GSPT1: variants seen among roughly 807,000 people sequenced by gnomAD.
The protein encoded by GSPT1 is G1 to S phase transition 1.
A neutral mutation model predicts 72.5 loss-of-function variants in GSPT1; 20 were observed. The observed-to-expected ratio is 0.28, with a 90% CI of 0.19 to 0.40. The LOEUF (loss-of-function observed/expected upper bound fraction) is 0.40, where lower values mean the gene tolerates loss of function less well. Among genes scored for constraint, GSPT1 ranks in the 10% least tolerant of loss-of-function variants. The probability of loss-of-function intolerance (pLI) is 1.00; values close to 1 mark genes in which losing one functional copy is unlikely to be tolerated. For synonymous variants in GSPT1, 334 were observed against 293.5 expected, an observed-to-expected ratio of 1.14 and a Z score of -1.41; for missense variants, 580 against 811.9, an observed-to-expected ratio of 0.71 and a Z score of 3.47.
intron 6 of GSPT1, 117 bp downstream of exon 6, chr16:11,890,945 C>G (rs2054250934): frequency 6.6e-6 from 4 of 603,352 alleles, no homozygotes; most frequent in Non-Finnish European, 1.2e-5. Context: ...GGGAAATTTC[C>G]TTTGTTGTGA....
At position 11,869,109 on chromosome 16, in the gene GSPT1, A is replaced by C. The variant is rs2053950459; in HGVS notation, c.*4010T>G. 1 of 152,224 alleles carries C rather than the reference A, an allele frequency of 6.6e-6. No homozygotes were observed. 9.4% of individuals were successfully genotyped at this position (152,224 alleles called of 1,614,324 possible). On this transcript the variant is annotated 3_prime_UTR_variant, in exon 15 of 15. Transcript: ENST00000434724. ...TAGAGCCAAAAACCACCAAAAGTTGAACCAAATCTACCTGAACTGAACTGA... is the reference window on the plus strand; with the variant it reads ...TAGAGCCAAAAACCACCAAAAGTTGCACCAAATCTACCTGAACTGAACTGA...
At chr16:11,898,058 A>G (rs1269551703) in intron 1 of GSPT1, 23 bp from the exon 2 acceptor site, 9 of 1,480,330 alleles carry the variant, frequency 6.1e-6, no homozygotes, top group East Asian at 4.9e-5. Context: ...AAGAAGTTCT[A>G]TTAAAAATTG....
intron 14 of GSPT1, among the ~76,000 whole-genome samples, chr16:11,875,167 T>C (rs1022002149): frequency 2.1e-4 from 31 of 150,162 alleles, no homozygotes; most frequent in Non-Finnish European, 3.8e-4. Context: ...CCAGCCTGGG[T>C]GACAGATCGA....
At chr16:11,887,891 G>T in intron 6 of GSPT1, 141 bp from the exon 7 acceptor site, 1 of 670,920 alleles carries the variant, frequency 1.5e-6, no homozygotes, top group South Asian at 2.0e-5. Flanking sequence ...TGAGCCGGGT[G>T]CGGTGGCTCA....
upstream of GSPT1, among the ~76,000 whole-genome samples, chr16:11,916,491 C>G (rs1311702357): frequency 6.6e-6 from 1 of 152,224 alleles, no homozygotes; most frequent in Non-Finnish European, 1.5e-5. Flanking sequence ...GCCTCACAGT[C>G]TCCGTACCTT....
At position 11,887,554 on chromosome 16, in the gene GSPT1, G is replaced by A. The variant is rs1325615700; in HGVS notation, c.957+16C>T. 2.5e-6 allele frequency: 4 copies of A among 1,606,182 alleles called. No individual in the cohort carries two copies. The highest frequency in any genetic ancestry group is 3.4e-6 in the Non-Finnish European group (4 of 1,173,522). On this transcript the variant is annotated intron_variant, in intron 7 of 14. Coordinates refer to ENST00000434724, the MANE Select transcript of GSPT1 (RefSeq NM_002094.4). ...TACTAACAAATATACAGATGGACTG[G>A]AAATGTCTTTCTTACCAGCACAGCC... is the stretch of plus-strand genomic sequence containing the variant.
rs373725913 is a variant in GSPT1, at chr16:11,892,044, C to G, written c.699-905G>C. On this transcript the variant is annotated intron_variant, in intron 5 of 14. Coordinates refer to ENST00000434724, the MANE Select transcript of GSPT1 (RefSeq NM_002094.4). ...AGTGGAAAAAGGATATTTACAGTCT[C>G]GAATTAACAGACAAAGTGGCCTGGT... Among the ~76,000 whole-genome samples the G allele has an allele frequency of 5.5e-4, 84 of 152,064 alleles. 2 individuals are homozygous for G. The South Asian group carries it at 0.017, about 31-fold the overall frequency.
chr16:11,879,695 C>T (rs2054096116), intron 11 of GSPT1, among the ~76,000 whole-genome samples: 1 of 146,408 alleles, frequency 6.8e-6, no homozygotes, highest in African/African-American at 2.6e-5. Flanking sequence ...GCCGAGATCA[C>T]ACCACTGCAC....
In GSPT1 at chr16:11,872,915, G is replaced by C. The variant is rs2053994670; in HGVS notation, c.*204C>G. ...AGTTTGAAGTGAGGGCTAGGGACAG[G>C]AATCTTGGGAAAAATTCAACAGTGG... On this transcript the variant is annotated 3_prime_UTR_variant, in exon 15 of 15. Coordinates refer to ENST00000434724, the MANE Select transcript of GSPT1 (RefSeq NM_002094.4). 2 of 469,742 alleles carry C rather than the reference G, an allele frequency of 4.3e-6. No homozygotes were observed. The highest frequency in any genetic ancestry group is 6.1e-5 in the East Asian group (2 of 32,566). 29.1% of individuals were successfully genotyped at this position (469,742 alleles called of 1,614,324 possible). A position where few individuals can be genotyped will look rare whatever the true frequency, so the allele number is the denominator to read the frequency against.
chr16:11,884,481 C>T (rs1010804955), intron 10 of GSPT1, among the ~76,000 whole-genome samples: 2 of 152,128 alleles, frequency 1.3e-5, no homozygotes, highest in South Asian at 2.1e-4. Flanking sequence ...GTTTTTGGAC[C>T]GGGCATGGTG....
Position 11,912,183 on chromosome 16 carries a change from A to AAC in GSPT1, c.352+3184_352+3185dup, listed in dbSNP as rs368356748. ...CATGGTGAAACCCCATCCCTGCAAA[A>AAC]ACACACACACACAAAATAGCTGGGC... On this transcript the variant is annotated intron_variant, in intron 1 of 14. Transcript: ENST00000434724. Among the ~76,000 whole-genome samples, 470 of 151,406 alleles carry AAC rather than the reference A, an allele frequency of 3.1e-3. 5 individuals carry two copies. The highest frequency in any genetic ancestry group is 0.011 in the African/African-American group (450 of 41,368).
intron 1 of GSPT1, among the ~76,000 whole-genome samples, chr16:11,904,324 T>A (rs1172746804): frequency 6.6e-6 from 1 of 152,106 alleles, no homozygotes; most frequent in Non-Finnish European, 1.5e-5. Flanking sequence ...TGCCTCAGCC[T>A]CCCGAGTAGC....
At chr16:11,886,707 A>C in intron 8 of GSPT1, 70 bp downstream of exon 8, 1 of 1,557,624 alleles carries the variant, frequency 6.4e-7, no homozygotes, top group South Asian at 1.1e-5. Flanking sequence ...AAAACCCTAG[A>C]GAAAAAGTCG....
Position 11,869,134 on chromosome 16 carries a change from ATAG to A in GSPT1, c.*3982_*3984del, listed in dbSNP as rs1243236569. 6.6e-6 allele frequency: 1 copy of A among 152,234 alleles called. No individual in the cohort carries two copies. The highest frequency in any genetic ancestry group is 2.4e-5 in the African/African-American group (1 of 41,466). 9.4% of individuals were successfully genotyped at this position (152,234 alleles called of 1,614,324 possible). ...AACCAAATCTACCTGAACTGAACTG[ATAG>A]TAAACTGGGTCAAATGGAATCCACG... On this transcript the variant is annotated 3_prime_UTR_variant, in exon 15 of 15. Coordinates refer to ENST00000434724, the MANE Select transcript of GSPT1 (RefSeq NM_002094.4).
chr16:11,898,053 G>A lies in GSPT1; in HGVS notation c.353-18C>T. ...CACAGGTGCTGTTTAACAGAAAGAA[G>A]TTCTATTAAAAATTGATACTTATCC... On this transcript the variant is annotated intron_variant, in intron 1 of 14. Coordinates refer to ENST00000434724, the MANE Select transcript of GSPT1 (RefSeq NM_002094.4). 2.0e-6 allele frequency: 3 copies of A among 1,504,552 alleles called. No individual in the cohort carries two copies. Among genetic ancestry groups the A allele is most frequent in the Non-Finnish European group, 2.7e-6 (3 of 1,105,280 alleles). 93.2% of individuals were successfully genotyped at this position (1,504,552 alleles called of 1,614,324 possible). A position where few individuals can be genotyped will look rare whatever the true frequency, so the allele number is the denominator to read the frequency against.
At chr16:11,891,005 T>C (rs1451034580) in intron 6 of GSPT1, 57 bp downstream of exon 6, 1 of 765,004 alleles carries the variant, frequency 1.3e-6, no homozygotes, top group Non-Finnish European at 2.2e-6. Flanking sequence ...CCAAAAGCAC[T>C]AAGTGGGCAT....
At chr16:11,887,518 A>G (rs1356979187) in intron 7 of GSPT1, 52 bp downstream of exon 7, 3 of 1,415,034 alleles carry the variant, frequency 2.1e-6, no homozygotes, top group African/African-American at 1.4e-5. Flanking sequence ...ATTTAAAGAT[A>G]TAAGCGGGGC....
intron 6 of GSPT1, among the ~76,000 whole-genome samples, chr16:11,890,564 C>G (rs1166956472): frequency 2.0e-5 from 3 of 152,076 alleles, no homozygotes; most frequent in Non-Finnish European, 4.4e-5. Flanking sequence ...TGAGGTAAGG[C>G]TTGCTAACTT....
chr16:11,906,189 G>C (rs1008281150), intron 1 of GSPT1, among the ~76,000 whole-genome samples: 1 of 152,036 alleles, frequency 6.6e-6, no homozygotes, highest in Non-Finnish European at 1.5e-5. Flanking sequence ...TCAGGCATGA[G>C]CCACCACAAC....
Sources: allele counts gnomAD v4.1 joint callset (sites outside exome capture counted in the v4.1 genomes callset), GRCh38; gene constraint gnomAD v4.1.1; transcripts MANE v1.5; gene names NCBI Gene and HGNC (gene_info 2026-07-23, HGNC 2026-07-21).